CPLANE1: variants seen among roughly 807,000 people sequenced by gnomAD.
The protein encoded by CPLANE1 is ciliogenesis and planar polarity effector 1.
In CPLANE1, 263 loss-of-function variants were observed where a neutral mutation model predicts 362.5. The observed-to-expected ratio is 0.73, with a 90% confidence interval of 0.66 to 0.80. CPLANE1 has a LOEUF of 0.80. Ranked by LOEUF, CPLANE1 falls within the 30% of genes least tolerant of loss-of-function variation. The probability of loss-of-function intolerance (pLI) is 0.00; values close to 1 mark genes in which losing one functional copy is unlikely to be tolerated. For missense variants in CPLANE1, 3,461 were observed against 3,793.4 expected (o/e 0.91, Z 2.30); for synonymous variants, 1,212 against 1,302.6 (o/e 0.93, Z 1.50).
chr5:37,247,516 G>T, intron 2 of CPLANE1, 102 bp downstream of exon 2: 3 of 967,968 alleles, frequency 3.1e-6, no homozygotes, highest in South Asian at 1.9e-5. Context: ...TCCAGTAGAT[G>T]ATGTTTTATT....
At position 37,139,387 on chromosome 5, in the gene CPLANE1, T is replaced by A; in HGVS notation, c.8633-17A>T. 1 of 1,142,266 alleles carries A rather than the reference T, an allele frequency of 8.8e-7. No individual in the cohort carries two copies. Among genetic ancestry groups the A allele is most frequent in the Non-Finnish European group, 1.2e-6 (1 of 827,788 alleles). The allele number at this position is 1,142,266 out of a possible 1,614,324, so 70.8% of individuals were successfully genotyped here. A position where few individuals can be genotyped will look rare whatever the true frequency, so the allele number is the denominator to read the frequency against. ...TATTCATACCTAAAAAAAAAATCAT[T>A]ATTAATAAAAATTTTGGGTTTTTTT... is the stretch of plus-strand genomic sequence containing the variant. On this transcript the variant is annotated splice_polypyrimidine_tract_variant and intron_variant, in intron 44 of 52. Transcript: ENST00000651892.
At chr5:37,132,315 C>T (rs1381263442) in intron 46 of CPLANE1, among the ~76,000 whole-genome samples, 4 of 124,004 alleles carry the variant, frequency 3.2e-5, no homozygotes, top group Non-Finnish European at 5.2e-5. Context: ...TCTAGTTGTT[C>T]TTTGCTTATT....
chr5:37,154,050 T>C (rs1774322652), intron 41 of CPLANE1, 57 bp from the exon 42 acceptor site: 13 of 1,448,864 alleles, frequency 9.0e-6, no homozygotes, highest in Admixed American at 2.2e-5. Flanking sequence ...GAGGTATTAT[T>C]GATGATCTCA....
chr5:37,086,481 G>C, the CPLANE1 span, among the ~76,000 whole-genome samples: 4,674 of 152,324 alleles, frequency 0.031, 98 homozygotes, highest in Non-Finnish European at 0.049. Context: ...TCAAGATAGA[G>C]TTATGGCTGA....
chr5:37,163,306 A>G (rs1201044041), intron 37 of CPLANE1, among the ~76,000 whole-genome samples: 1 of 152,222 alleles, frequency 6.6e-6, no homozygotes. Context: ...GAGGGAAGAC[A>G]GAATTCAGAA....
At chr5:37,204,059 G>A (rs780447271) in intron 18 of CPLANE1, among the ~76,000 whole-genome samples, 4 of 152,148 alleles carry the variant, frequency 2.6e-5, no homozygotes, top group Non-Finnish European at 5.9e-5. Flanking sequence ...TCGTGGAAGA[G>A]TTTTCAGATC....
At chr5:37,113,831 T>C (rs1317611609) in intron 51 of CPLANE1, among the ~76,000 whole-genome samples, 1 of 152,202 alleles carries the variant, frequency 6.6e-6, no homozygotes. Context: ...TGTTTTGTTT[T>C]GAGACAGAGT....
chr5:37,183,084 C>T lies in CPLANE1; in HGVS notation c.5097G>A (p.Gln1699=). The change falls in exon 26 of 53, where the codon CAG becomes CAA. Residue 1699 remains glutamine (Q), a synonymous_variant. Coordinates refer to ENST00000651892, the MANE Select transcript of CPLANE1 (RefSeq NM_001384732.1). ...TCCAAAAAATGTGGTTTGATGATCT[C>T]TGGATTAGACATTTCTCTCTAGTGT... The part of the protein sequence containing the change: ...QDDTREKCLI[Q]RSSNHIFWTP... 6.2e-7 allele frequency: 1 copy of T among 1,613,386 alleles called. No homozygotes were observed. The highest frequency in any genetic ancestry group is 8.5e-7 in the Non-Finnish European group (1 of 1,179,892).
intron 49 of CPLANE1, among the ~76,000 whole-genome samples, chr5:37,120,845 A>C (rs1037175764): frequency 2.0e-5 from 3 of 152,302 alleles, no homozygotes; most frequent in African/African-American, 7.2e-5. Flanking sequence ...TATTTGAAGT[A>C]AACTCTACAC....
intron 25 of CPLANE1, among the ~76,000 whole-genome samples, chr5:37,183,900 A>C (rs1029048962): frequency 1.3e-5 from 2 of 151,422 alleles, no homozygotes; most frequent in African/African-American, 4.8e-5. Flanking sequence ...CTATGAGATC[A>C]AAAAAAAATT....
chr5:37,140,229 C>T (rs9632396), intron 44 of CPLANE1: 177,657 of 894,930 alleles, frequency 0.2, 18,749 homozygotes, highest in East Asian at 0.37. Context: ...AGTGTTCTGA[C>T]ATCTCTTCTC....
intron 15 of CPLANE1, among the ~76,000 whole-genome samples, chr5:37,215,296 G>A (rs1228737530): frequency 6.6e-6 from 1 of 152,038 alleles, no homozygotes; most frequent in Non-Finnish European, 1.5e-5. Context: ...TGATCTGCCC[G>A]CCTCGGCCTC....
intron 26 of CPLANE1, among the ~76,000 whole-genome samples, chr5:37,181,208 A>G (rs1404384257): frequency 2.6e-5 from 4 of 152,188 alleles, no homozygotes; most frequent in African/African-American, 9.7e-5. Flanking sequence ...AAATCTGACT[A>G]CCTAAATAGT....
intron 35 of CPLANE1, among the ~76,000 whole-genome samples, chr5:37,166,004 T>C (rs1778137285): frequency 6.6e-6 from 1 of 152,170 alleles, no homozygotes. Flanking sequence ...ATACCTCCAT[T>C]TGTCTATTTG....
At chr5:37,146,930 G>T (rs1261909853) in intron 43 of CPLANE1, among the ~76,000 whole-genome samples, 1 of 151,820 alleles carries the variant, frequency 6.6e-6, no homozygotes, top group East Asian at 1.9e-4. Flanking sequence ...GGATAAAGAG[G>T]GTTATTACTT....
At chr5:37,186,244 T>G (rs7730779) in intron 24 of CPLANE1, 42 bp downstream of exon 24, 15 of 983,384 alleles carry the variant, frequency 1.5e-5, no homozygotes, top group Non-Finnish European at 2.1e-5. Context: ...GGGAATCTTC[T>G]GCAATTTATC....
chr5:37,121,844 G>C (rs764899843), intron 48 of CPLANE1, 60 bp from the exon 49 acceptor site: 3 of 1,416,258 alleles, frequency 2.1e-6, no homozygotes, highest in African/African-American at 2.9e-5. Flanking sequence ...TCTATCCAGA[G>C]GGAATATAGT....
chr5:37,100,412 T>C, the CPLANE1 span, among the ~76,000 whole-genome samples: 3 of 152,182 alleles, frequency 2.0e-5, no homozygotes, highest in South Asian at 2.1e-4. Flanking sequence ...GAAGATCAGA[T>C]GGTTATAGCT....
chr5:37,154,459 C>CTTTTGTTTTTTTTTTTTTTTTTTTT (rs1774454313), intron 41 of CPLANE1, among the ~76,000 whole-genome samples: 1 of 84,622 alleles, frequency 1.2e-5, no homozygotes, highest in Non-Finnish European at 2.1e-5. Flanking sequence ...TGCAATAGTT[C>CTTTTGTTTTTTTTTTTTTTTTTTTT]TTTTTTTTTT....
Sources: allele counts gnomAD v4.1 joint callset (sites outside exome capture counted in the v4.1 genomes callset), GRCh38; gene constraint gnomAD v4.1.1; transcripts MANE v1.5; gene names NCBI Gene and HGNC (gene_info 2026-07-23, HGNC 2026-07-21).